CIMIP3: variants seen among roughly 807,000 people sequenced by gnomAD.
CIMIP3 encodes the protein GUCA1A neighbor.
At chr6:42,158,330 G>A in the CIMIP3 span, among the ~76,000 whole-genome samples, 3 of 152,274 alleles carry the variant, frequency 2.0e-5, no homozygotes, top group East Asian at 1.9e-4. Flanking sequence ...GGCAGGGGAG[G>A]GCTAGTGCTG....
At chr6:42,158,092 AC>A in the CIMIP3 span, among the ~76,000 whole-genome samples, 8,247 of 152,286 alleles carry the variant, frequency 0.054, 326 homozygotes, top group Middle Eastern at 0.082. Flanking sequence ...CTGGCTGAGA[AC>A]CAATGATCTA....
At chr6:42,162,087 ATTC>A in the CIMIP3 span, among the ~76,000 whole-genome samples, 138 of 111,780 alleles carry the variant, frequency 1.2e-3, 1 homozygote, top group African/African-American at 4.5e-3. Flanking sequence ...TGGAAGCCAC[ATTC>A]TTTTTTTTTT....
At chr6:42,160,404 C>G in the CIMIP3 span, among the ~76,000 whole-genome samples, 1 of 152,198 alleles carries the variant, frequency 6.6e-6, no homozygotes, top group African/African-American at 2.4e-5. Context: ...CTGTAGAACA[C>G]TTGCTCATTT....
chr6:42,157,159 T>A, the CIMIP3 span, among the ~76,000 whole-genome samples: 1 of 152,234 alleles, frequency 6.6e-6, no homozygotes, highest in African/African-American at 2.4e-5. Flanking sequence ...AGTATATATG[T>A]ACATATTAAT....
the CIMIP3 span, chr6:42,163,137 C>G: frequency 1.5e-6 from 1 of 673,312 alleles, no homozygotes; most frequent in Non-Finnish European, 2.8e-6. Flanking sequence ...TCCCTGAACC[C>G]CTTCTACACT....
the CIMIP3 span, chr6:42,162,971 A>T: frequency 1.4e-6 from 1 of 705,718 alleles, no homozygotes; most frequent in East Asian, 2.7e-5. Flanking sequence ...ACCGTCATGC[A>T]AGGGGGTGAA....
At chr6:42,158,144 G>T in the CIMIP3 span, among the ~76,000 whole-genome samples, 1 of 152,314 alleles carries the variant, frequency 6.6e-6, no homozygotes, top group South Asian at 2.1e-4. Context: ...CACACTTGAC[G>T]AGGAGCATGT....
the CIMIP3 span, among the ~76,000 whole-genome samples, chr6:42,161,954 G>A: frequency 4.6e-5 from 7 of 152,182 alleles, no homozygotes; most frequent in South Asian, 6.2e-4. Flanking sequence ...GGGAGAGCAC[G>A]CAAGGCTGGG....
At chr6:42,157,182 T>C in the CIMIP3 span, among the ~76,000 whole-genome samples, 1 of 152,228 alleles carries the variant, frequency 6.6e-6, no homozygotes, top group African/African-American at 2.4e-5. Flanking sequence ...ATGTGTACTG[T>C]GCATCTGAAA....
chr6:42,161,530 C>G, the CIMIP3 span, among the ~76,000 whole-genome samples: 15 of 152,066 alleles, frequency 9.9e-5, no homozygotes, highest in Admixed American at 9.8e-4. Flanking sequence ...TGAAGGTGAA[C>G]AGGATAGCTT....
chr6:42,155,634 G>A, the CIMIP3 span: 2 of 717,320 alleles, frequency 2.8e-6, no homozygotes, highest in Non-Finnish European at 2.6e-6. Flanking sequence ...TGCTGGTGCT[G>A]GTGCTGCTGC....
the CIMIP3 span, chr6:42,163,058 G>T: frequency 1.4e-6 from 1 of 717,442 alleles, no homozygotes; most frequent in Non-Finnish European, 2.6e-6. Context: ...TGTGCCGGTC[G>T]TTGTGGACTC....
chr6:42,156,564 C>T, the CIMIP3 span, among the ~76,000 whole-genome samples: 1 of 152,186 alleles, frequency 6.6e-6, no homozygotes, highest in Admixed American at 6.5e-5. Flanking sequence ...AGCCCCTGTG[C>T]TCCCCCAAAG....
the CIMIP3 span, among the ~76,000 whole-genome samples, chr6:42,158,594 C>A: frequency 6.6e-6 from 1 of 152,340 alleles, no homozygotes; most frequent in East Asian, 1.9e-4. Context: ...CCCACACTAA[C>A]CAGTTGTGGG....
the CIMIP3 span, among the ~76,000 whole-genome samples, chr6:42,162,386 G>A: frequency 1.3e-5 from 2 of 149,250 alleles, no homozygotes; most frequent in Admixed American, 1.4e-4. Flanking sequence ...TTGTACTCCA[G>A]CCTGGGCAAC....
the CIMIP3 span, among the ~76,000 whole-genome samples, chr6:42,161,695 C>A: frequency 6.6e-6 from 1 of 152,118 alleles, no homozygotes; most frequent in Non-Finnish European, 1.5e-5. Flanking sequence ...GTAGGAGACA[C>A]ATTTGGTAAC....
the CIMIP3 span, chr6:42,162,908 C>A: frequency 3.3e-6 from 2 of 614,296 alleles, no homozygotes; most frequent in Non-Finnish European, 6.0e-6. Context: ...CCCCTTCTTT[C>A]CCCCCTCCCA....
chr6:42,159,953 G>A, the CIMIP3 span, among the ~76,000 whole-genome samples: 1 of 152,154 alleles, frequency 6.6e-6, no homozygotes, highest in Non-Finnish European at 1.5e-5. Context: ...CACTGACAGG[G>A]TTTGGTGCGG....
chr6:42,163,350 C>T, the CIMIP3 span: 35 of 427,706 alleles, frequency 8.2e-5, no homozygotes, highest in Admixed American at 1.2e-4. Flanking sequence ...GACCTATATT[C>T]GGGCTAAGAC....
Sources: gnomAD v4.1 joint callset for allele counts (sites outside exome capture counted in the v4.1 genomes callset) on GRCh38, gnomAD v4.1.1 for gene constraint, MANE v1.5 for transcripts, NCBI Gene and HGNC (gene_info 2026-07-23, HGNC 2026-07-21) for gene names.